The following PCDH15 variants were observed in gnomAD, a reference collection of about 807,000 sequenced individuals.
The protein encoded by PCDH15 is protocadherin-15.
PCDH15 carries 129 observed loss-of-function variants against 178.5 expected under a neutral mutation model. That is an observed-to-expected ratio of 0.72 (90% CI 0.63 to 0.84). The LOEUF (loss-of-function observed/expected upper bound fraction) is 0.84. PCDH15 is among the 40% of genes least tolerant of loss of function. The pLI is 0.00. For synonymous variants in PCDH15, 800 were observed against 732.0 expected, an observed-to-expected ratio of 1.09 and a Z score of -1.50; for missense variants, 2,230 against 2,099.9, an observed-to-expected ratio of 1.06 and a Z score of -1.21.
At chr10:55,110,103 A>G (rs1246986800) in intron 2 of PCDH15, among the ~76,000 whole-genome samples, 2 of 151,778 alleles carry the variant, frequency 1.3e-5, no homozygotes, top group Non-Finnish European at 2.9e-5. Flanking sequence ...TAACATTTTA[A>G]ATGCCTGTGT....
chr10:54,239,769 T>C (rs767219168), intron 8 of PCDH15, among the ~76,000 whole-genome samples: 9 of 152,084 alleles, frequency 5.9e-5, no homozygotes, highest in African/African-American at 9.7e-5. Flanking sequence ...TCTTGTCCTA[T>C]AGAGACTAGC....
chr10:54,884,480 G>GGTGTGT (rs11473798), intron 3 of PCDH15, among the ~76,000 whole-genome samples: 9,147 of 148,648 alleles, frequency 0.062, 342 homozygotes, highest in African/African-American at 0.11. Context: ...TACTAAGATA[G>GGTGTGT]GTGTGTGTGT....
intron 3 of PCDH15, among the ~76,000 whole-genome samples, chr10:54,890,268 A>C (rs1444625911): frequency 1.3e-5 from 2 of 152,068 alleles, no homozygotes; most frequent in African/African-American, 4.8e-5. Flanking sequence ...AGTGTAAAAG[A>C]GGAAAGCTGA....
At chr10:54,274,217 T>A (rs1412132017) in intron 8 of PCDH15, among the ~76,000 whole-genome samples, 4 of 151,944 alleles carry the variant, frequency 2.6e-5, no homozygotes, top group Non-Finnish European at 5.9e-5. Context: ...GATGAAATAA[T>A]CTGTACAACA....
At position 53,827,431 on chromosome 10, in the gene PCDH15, T is replaced by TGGCGGAGGC. The variant is rs776051221; in HGVS notation, c.4320_4328dup (p.Pro1441_Pro1443dup). On this transcript the variant is annotated inframe_insertion, in exon 32 of 38. Transcript: ENST00000644397. Reference sequence around the variant, plus strand: ...CAAGTTCTTCATAGAGATGCGCACCTGGCGGAGGCGGCGGCGGCGGCGGGG... The same window carrying TGGCGGAGGC: ...CAAGTTCTTCATAGAGATGCGCACCTGGCGGAGGCGGCGGAGGCGGCGGCGGCGGCGGGG... The TGGCGGAGGC allele has an allele frequency of 6.9e-5, 111 of 1,613,096 alleles. No homozygotes were observed. The highest frequency in any genetic ancestry group is 1.5e-4 in the Admixed American group (9 of 59,938).
intron 2 of PCDH15, among the ~76,000 whole-genome samples, chr10:55,399,106 T>G (rs1838000512): frequency 1.3e-5 from 2 of 152,154 alleles, no homozygotes; most frequent in Admixed American, 1.3e-4. Flanking sequence ...ACAAAATTCA[T>G]TTGGTATTCA....
chr10:55,569,549 C>T (rs2132108186), intron 2 of PCDH15, among the ~76,000 whole-genome samples: 1 of 151,344 alleles, frequency 6.6e-6, no homozygotes, highest in East Asian at 2.0e-4. Context: ...ACTCAGAGAA[C>T]TCATCCTTGA....
intron 2 of PCDH15, among the ~76,000 whole-genome samples, chr10:55,045,022 T>A (rs1447672638): frequency 6.6e-6 from 1 of 152,098 alleles, no homozygotes; most frequent in Non-Finnish European, 1.5e-5. Context: ...CCATACTCAT[T>A]CTGTAAACAC....
intron 2 of PCDH15, among the ~76,000 whole-genome samples, chr10:54,987,936 C>A (rs1047804066): frequency 2.6e-5 from 4 of 151,870 alleles, no homozygotes; most frequent in Non-Finnish European, 2.9e-5. Context: ...AAGTCTTTGC[C>A]CGTGCCTGTG....
intron 1 of PCDH15, among the ~76,000 whole-genome samples, chr10:54,710,789 T>G (rs2095420929): frequency 6.6e-6 from 1 of 152,058 alleles, no homozygotes; most frequent in Non-Finnish European, 1.5e-5. Context: ...ACCTCTTTTT[T>G]ACTTGATGAC....
intron 13 of PCDH15, among the ~76,000 whole-genome samples, chr10:54,167,849 C>T (rs1225193107): frequency 5.3e-5 from 8 of 151,710 alleles, no homozygotes; most frequent in Non-Finnish European, 8.8e-5. Context: ...TTTCCGTGCC[C>T]CGACCCCTTA....
chr10:54,427,268 G>GTTTTTTTT (rs1956382985), intron 3 of PCDH15, among the ~76,000 whole-genome samples: 2 of 100,290 alleles, frequency 2.0e-5, no homozygotes, highest in African/African-American at 4.5e-5. Flanking sequence ...CTCTTTTTCT[G>GTTTTTTTT]GTTTTTTTTT....
chr10:55,620,736 T>C (rs549779623), intron 2 of PCDH15, among the ~76,000 whole-genome samples: 247 of 151,712 alleles, frequency 1.6e-3, no homozygotes, highest in Admixed American at 2.7e-3. Flanking sequence ...AAGCCATAAA[T>C]AATATATAAT....
chr10:55,351,609 T>C (rs1844937107), intron 2 of PCDH15, among the ~76,000 whole-genome samples: 1 of 152,174 alleles, frequency 6.6e-6, no homozygotes, highest in Non-Finnish European at 1.5e-5. Context: ...AGTCTCTTTA[T>C]TGTCATTGTT....
At chr10:54,825,182 G>A (rs1483140875) in intron 3 of PCDH15, among the ~76,000 whole-genome samples, 1 of 151,980 alleles carries the variant, frequency 6.6e-6, no homozygotes, top group African/African-American at 2.4e-5. Context: ...CTTCATCCAT[G>A]TCCCTACAAA....
At chr10:54,047,697 A>C (rs903846155) in intron 18 of PCDH15, among the ~76,000 whole-genome samples, 1 of 152,062 alleles carries the variant, frequency 6.6e-6, no homozygotes, top group Non-Finnish European at 1.5e-5. Flanking sequence ...GCATTAATGT[A>C]CTTAAAATAA....
At chr10:54,049,775 C>A (rs1019671699) in intron 18 of PCDH15, among the ~76,000 whole-genome samples, 2 of 152,206 alleles carry the variant, frequency 1.3e-5, no homozygotes. Flanking sequence ...CACCCGCCAC[C>A]AAGCCTGGCT....
chr10:53,956,306 G>A (rs764700633), intron 23 of PCDH15, among the ~76,000 whole-genome samples: 2 of 151,958 alleles, frequency 1.3e-5, no homozygotes, highest in Non-Finnish European at 2.9e-5. Context: ...ATATGCCCGT[G>A]AGAAAAAGGA....
chr10:54,939,491 T>G (rs1838001672), intron 2 of PCDH15, among the ~76,000 whole-genome samples: 1 of 25,826 alleles, frequency 3.9e-5, no homozygotes, highest in African/African-American at 1.2e-4. Flanking sequence ...TGAGACTCCG[T>G]CTCAAAAAAA....
Sources: gnomAD v4.1 joint callset for allele counts (sites outside exome capture counted in the v4.1 genomes callset) on GRCh38, gnomAD v4.1.1 for gene constraint, MANE v1.5 for transcripts, NCBI Gene and HGNC (gene_info 2026-07-23, HGNC 2026-07-21) for gene names.